The following NPLOC4 variants were observed in gnomAD, a reference collection of about 807,000 sequenced individuals.
NPLOC4 encodes the protein NPL4 homolog, ubiquitin recognition factor.
In NPLOC4, 18 loss-of-function variants were observed where a neutral mutation model predicts 80.6. The ratio of observed to expected loss-of-function variants is 0.22; its 90% confidence interval spans 0.15 to 0.33. NPLOC4 has a LOEUF of 0.33. Among genes scored for constraint, NPLOC4 ranks in the 10% least tolerant of loss-of-function variants. NPLOC4 has a pLI of 1.00. For missense variants in NPLOC4, 540 were observed against 786.1 expected, an observed-to-expected ratio of 0.69 and a Z score of 3.74; for synonymous variants, 313 against 301.5, an observed-to-expected ratio of 1.04 and a Z score of -0.39.
chr17:81,605,518 C>T (rs2144220829), intron 7 of NPLOC4, among the ~76,000 whole-genome samples: 1 of 151,640 alleles, frequency 6.6e-6, no homozygotes, highest in South Asian at 2.1e-4. Context: ...CATGGTGGCT[C>T]ATGCCTGTAA....
At chr17:81,587,877 G>T (rs1366016857) in intron 12 of NPLOC4, among the ~76,000 whole-genome samples, 1 of 150,558 alleles carries the variant, frequency 6.6e-6, no homozygotes, top group Non-Finnish European at 1.5e-5. Context: ...GGGTTTCACC[G>T]TGTTAGCCAA....
chr17:81,562,853 T>C (rs1170103316), intron 16 of NPLOC4: 2 of 151,320 alleles, frequency 1.3e-5, no homozygotes, highest in African/African-American at 2.4e-5. Context: ...GGCGGGAGGA[T>C]TGTTTGAGCC....
chr17:81,566,496 G>A (rs965535436), intron 15 of NPLOC4: 4 of 152,262 alleles, frequency 2.6e-5, no homozygotes, highest in Non-Finnish European at 5.9e-5. Flanking sequence ...CAGACAGATG[G>A]GCAGCAGCTG....
chr17:81,559,151 T>C lies in NPLOC4; in HGVS notation c.*108A>G, dbSNP rs556646071. 19 of 1,287,506 alleles carry C rather than the reference T, an allele frequency of 1.5e-5. No homozygotes were observed. Among genetic ancestry groups the C allele is most frequent in the Non-Finnish European group, 2.0e-5 (19 of 955,720 alleles). The allele number at this position is 1,287,506 out of a possible 1,614,324, so 79.8% of individuals were successfully genotyped here. ...CCCAGGACAGCCAGCCCCTTGTTCC[T>C]CCAGGGCTGCCCACTATGGGGCAGT... On this transcript the variant is annotated 3_prime_UTR_variant, in exon 17 of 17. Coordinates refer to ENST00000331134, the MANE Select transcript of NPLOC4 (RefSeq NM_017921.4).
chr17:81,584,337 C>G (rs1246629083), intron 12 of NPLOC4, among the ~76,000 whole-genome samples: 1 of 152,164 alleles, frequency 6.6e-6, no homozygotes, highest in South Asian at 2.1e-4. Flanking sequence ...ATGAAAACAA[C>G]AGAATGATTA....
Position 81,558,893 on chromosome 17 carries a change from TAAAG to T in NPLOC4, c.*362_*365del, listed in dbSNP as rs2033742735. On this transcript the variant is annotated 3_prime_UTR_variant, in exon 17 of 17. Coordinates refer to ENST00000331134, the MANE Select transcript of NPLOC4 (RefSeq NM_017921.4). ...GAGGCCAAACAAAAAGCACTGAAAA[TAAAG>T]AGAAGGCTGGGTGGTGGCAGCATCG... 1 of 172,968 alleles carries T rather than the reference TAAAG, an allele frequency of 5.8e-6. No individual in the cohort carries two copies. Among genetic ancestry groups the T allele is most frequent in the Non-Finnish European group, 1.2e-5 (1 of 82,314 alleles). 10.7% of individuals were successfully genotyped at this position (172,968 alleles called of 1,614,324 possible).
intron 10 of NPLOC4, among the ~76,000 whole-genome samples, chr17:81,596,931 T>C (rs1245002650): frequency 6.6e-6 from 1 of 151,876 alleles, no homozygotes; most frequent in Non-Finnish European, 1.5e-5. Flanking sequence ...GCTAACACAG[T>C]GAAACCCCAT....
chr17:81,610,064 G>T (rs890655515), intron 5 of NPLOC4, 146 bp downstream of exon 5: 2 of 628,224 alleles, frequency 3.2e-6, no homozygotes, highest in Admixed American at 2.6e-5. Flanking sequence ...TGCACTAGGG[G>T]AATATGAGGC....
intron 3 of NPLOC4, among the ~76,000 whole-genome samples, chr17:81,619,104 AC>A (rs2035589930): frequency 6.6e-6 from 1 of 151,622 alleles, no homozygotes; most frequent in South Asian, 2.1e-4. Context: ...AAAACCAGAG[AC>A]CTTTGTTCAC....
At chr17:81,589,406 G>A (rs957197754) in intron 11 of NPLOC4, among the ~76,000 whole-genome samples, 1 of 151,980 alleles carries the variant, frequency 6.6e-6, no homozygotes, top group Non-Finnish European at 1.5e-5. Flanking sequence ...GCGGGCGCCT[G>A]TAGTCCCAGC....
chr17:81,636,503 G>A (rs1486044816), intron 1 of NPLOC4: 1 of 161,620 alleles, frequency 6.2e-6, no homozygotes, highest in Non-Finnish European at 1.3e-5. Context: ...AGCAGGAGGA[G>A]AGAATCAGAG....
chr17:81,615,100 C>CTT (rs1555686152), intron 3 of NPLOC4, among the ~76,000 whole-genome samples: 19 of 133,548 alleles, frequency 1.4e-4, no homozygotes, highest in South Asian at 4.6e-4. Context: ...ACGTCTGTTT[C>CTT]TTTTTTTTTT....
chr17:81,622,152 C>G lies in NPLOC4; in HGVS notation c.209+14G>C, dbSNP rs761849002. Reference sequence around the variant, plus strand: ...TTCCCCCCATTCCCTGCTTCCTCCTCAGAGGACACTTACTTGATTTTTAGC... The same window carrying G: ...TTCCCCCCATTCCCTGCTTCCTCCTGAGAGGACACTTACTTGATTTTTAGC... On this transcript the variant is annotated intron_variant, in intron 3 of 16. Transcript: ENST00000331134. 13 of 1,584,164 alleles carry G rather than the reference C, an allele frequency of 8.2e-6. No homozygotes were observed. Among genetic ancestry groups the G allele is most frequent in the Non-Finnish European group, 9.5e-6 (11 of 1,153,148 alleles).
chr17:81,621,668 C>T (rs900231904), intron 3 of NPLOC4, among the ~76,000 whole-genome samples: 17 of 152,210 alleles, frequency 1.1e-4, no homozygotes, highest in African/African-American at 3.4e-4. Context: ...ACCAACAACA[C>T]GACCTGGCTG....
chr17:81,584,591 G>T (rs1219967241), intron 12 of NPLOC4, among the ~76,000 whole-genome samples: 1 of 152,184 alleles, frequency 6.6e-6, no homozygotes, highest in Non-Finnish European at 1.5e-5. Context: ...AGGCAACACT[G>T]GGAAAAGCCC....
rs950859727 is a variant in NPLOC4, at chr17:81,575,126, G to A, written c.1282-3038C>T. Among the ~76,000 whole-genome samples, 4 of 152,092 alleles carry A rather than the reference G, an allele frequency of 2.6e-5. No individual in the cohort carries two copies. In the South Asian group the frequency reaches 6.2e-4, roughly 24 times the overall value. On this transcript the variant is annotated intron_variant, in intron 12 of 16. Transcript: ENST00000331134. ...TACTTTTCTTTTTTTTTGAGAGGGA[G>A]TCTCGCTCTGTCGCCCAGGCTGGAG...
chr17:81,595,890 G>C (rs2034895768), intron 11 of NPLOC4, among the ~76,000 whole-genome samples: 1 of 152,128 alleles, frequency 6.6e-6, no homozygotes, highest in Admixed American at 6.6e-5. Flanking sequence ...GGAGAGCTCT[G>C]TGGAGGTCCT....
At chr17:81,615,311 G>A (rs1156904104) in intron 3 of NPLOC4, among the ~76,000 whole-genome samples, 1 of 151,758 alleles carries the variant, frequency 6.6e-6, no homozygotes, top group African/African-American at 2.4e-5. Flanking sequence ...TGTTGGACAG[G>A]CTGGTCTCGA....
intron 8 of NPLOC4, among the ~76,000 whole-genome samples, chr17:81,602,770 T>C (rs1598655337): frequency 6.6e-6 from 1 of 151,066 alleles, no homozygotes; most frequent in Non-Finnish European, 1.5e-5. Flanking sequence ...CTGAGCATGG[T>C]GGCTTATGCT....
Sources: allele counts gnomAD v4.1 joint callset (sites outside exome capture counted in the v4.1 genomes callset), GRCh38; gene constraint gnomAD v4.1.1; transcripts MANE v1.5; gene names NCBI Gene and HGNC (gene_info 2026-07-23, HGNC 2026-07-21).